The following AQP7B variants were observed in gnomAD, a reference collection of about 807,000 sequenced individuals.
AQP7B encodes aquaporin 7B.
At chr2:94,588,289 C>T in the AQP7B span, among the ~76,000 whole-genome samples, 6 of 151,890 alleles carry the variant, frequency 4.0e-5, no homozygotes, top group African/African-American at 7.3e-5. Context: ...GGGTTGGGGT[C>T]CTGGGGCCAG....
chr2:94,604,556 G>T, the AQP7B span: 1 of 1,601,276 alleles, frequency 6.2e-7, no homozygotes, highest in South Asian at 1.1e-5. Context: ...TGAATCCATG[G>T]CCCTAGAGCA....
At chr2:94,595,616 C>A in the AQP7B span, among the ~76,000 whole-genome samples, 2 of 151,896 alleles carry the variant, frequency 1.3e-5, no homozygotes, top group Non-Finnish European at 2.9e-5. Flanking sequence ...GCAGGACAGG[C>A]AAGGCTGGCA....
the AQP7B span, among the ~76,000 whole-genome samples, chr2:94,593,996 T>C: frequency 6.6e-6 from 1 of 152,162 alleles, no homozygotes. Flanking sequence ...ATTCCCCAGT[T>C]TTCACTCATT....
chr2:94,600,178 C>G, the AQP7B span, among the ~76,000 whole-genome samples: 1 of 152,152 alleles, frequency 6.6e-6, no homozygotes, highest in African/African-American at 2.4e-5. Context: ...CCTGGTCTGC[C>G]TTCTTACCCT....
At chr2:94,598,622 G>A in the AQP7B span, among the ~76,000 whole-genome samples, 1 of 152,198 alleles carries the variant, frequency 6.6e-6, no homozygotes, top group South Asian at 2.1e-4. Flanking sequence ...GTCATGGAGG[G>A]TGGAATGCAG....
At chr2:94,592,386 G>A in the AQP7B span, among the ~76,000 whole-genome samples, 1 of 152,190 alleles carries the variant, frequency 6.6e-6, no homozygotes, top group Non-Finnish European at 1.5e-5. Context: ...CCCAGTCCTT[G>A]CTGTATTCCT....
At chr2:94,600,876 CAA>C in the AQP7B span, among the ~76,000 whole-genome samples, 900 of 84,584 alleles carry the variant, frequency 0.011, 8 homozygotes, top group African/African-American at 0.033. Flanking sequence ...AAGACTGTCT[CAA>C]AAAAAAAAAA....
the AQP7B span, among the ~76,000 whole-genome samples, chr2:94,599,376 C>T: frequency 6.6e-6 from 1 of 152,106 alleles, no homozygotes; most frequent in South Asian, 2.1e-4. Flanking sequence ...GCTCAGCTGC[C>T]TCTCCCCCAC....
the AQP7B span, among the ~76,000 whole-genome samples, chr2:94,600,698 T>A: frequency 6.6e-6 from 1 of 152,078 alleles, no homozygotes; most frequent in Non-Finnish European, 1.5e-5. Context: ...GCCAACATCG[T>A]GAAACCCTGT....
the AQP7B span, among the ~76,000 whole-genome samples, chr2:94,590,458 G>A: frequency 6.6e-6 from 1 of 152,248 alleles, no homozygotes; most frequent in South Asian, 2.1e-4. Flanking sequence ...AAAGTGTTGG[G>A]ATTACAGGCA....
chr2:94,600,458 A>G, the AQP7B span, among the ~76,000 whole-genome samples: 1 of 152,114 alleles, frequency 6.6e-6, no homozygotes, highest in Admixed American at 6.5e-5. Flanking sequence ...CTGGCCAGGC[A>G]TGGTGGCTCA....
chr2:94,598,593 G>A, the AQP7B span, among the ~76,000 whole-genome samples: 431 of 152,178 alleles, frequency 2.8e-3, 2 homozygotes, highest in African/African-American at 9.8e-3. Flanking sequence ...TATAGCTGCC[G>A]CCACTCCAGC....
chr2:94,593,818 C>T, the AQP7B span, among the ~76,000 whole-genome samples: 1 of 152,018 alleles, frequency 6.6e-6, no homozygotes, highest in African/African-American at 2.4e-5. Flanking sequence ...CAGTCCCACC[C>T]CGCCACCTTC....
chr2:94,592,858 C>T, the AQP7B span, among the ~76,000 whole-genome samples: 4 of 105,730 alleles, frequency 3.8e-5, no homozygotes, highest in Non-Finnish European at 6.8e-5. Context: ...GGGTTTCGCT[C>T]TGTCACCCAC....
chr2:94,597,894 C>T, the AQP7B span, among the ~76,000 whole-genome samples: 7 of 152,102 alleles, frequency 4.6e-5, no homozygotes, highest in South Asian at 4.2e-4. Context: ...CATGAGTCAC[C>T]GTGCCCAGCC....
At chr2:94,595,454 A>T in the AQP7B span, among the ~76,000 whole-genome samples, 1 of 152,084 alleles carries the variant, frequency 6.6e-6, no homozygotes, top group African/African-American at 2.4e-5. Flanking sequence ...AAAAAAGAAA[A>T]AAAAAGAGAG....
chr2:94,589,841 C>T, the AQP7B span, among the ~76,000 whole-genome samples: 5 of 152,202 alleles, frequency 3.3e-5, no homozygotes, highest in African/African-American at 1.2e-4. Context: ...TTCAGTTGCT[C>T]AAGCCAGAAG....
chr2:94,600,290 C>T, the AQP7B span, among the ~76,000 whole-genome samples: 1 of 152,252 alleles, frequency 6.6e-6, no homozygotes, highest in Non-Finnish European at 1.5e-5. Context: ...ACAGAGTTCT[C>T]CAGGGGAAAT....
the AQP7B span, among the ~76,000 whole-genome samples, chr2:94,588,062 CTG>C: frequency 1.0e-3 from 149 of 148,172 alleles, no homozygotes; most frequent in African/African-American, 1.9e-3. Context: ...TGTTCACCTT[CTG>C]TGTGTGTGTG....
Sources: gnomAD v4.1 joint callset for allele counts (sites outside exome capture counted in the v4.1 genomes callset) on GRCh38, gnomAD v4.1.1 for gene constraint, MANE v1.5 for transcripts, NCBI Gene and HGNC (gene_info 2026-07-23, HGNC 2026-07-21) for gene names.